Variants in CACNA1B observed in about 807,000 individuals in gnomAD.
CACNA1B encodes the protein calcium voltage-gated channel subunit alpha1 B.
Under a neutral mutation model 247.2 loss-of-function variants are expected in CACNA1B, and 70 were observed. That is an observed-to-expected ratio of 0.28 (90% confidence interval 0.23 to 0.35). CACNA1B has a LOEUF of 0.35. Ranked by LOEUF, CACNA1B falls within the 10% of genes least tolerant of loss-of-function variation. CACNA1B has a pLI of 1.00. For missense variants in CACNA1B, 2,367 were observed against 3,197.4 expected (o/e 0.74, Z 6.26); for synonymous variants, 1,231 against 1,294.4 (o/e 0.95, Z 1.05).
At chr9:137,910,295 AT>A (rs1381430566) in intron 3 of CACNA1B, among the ~76,000 whole-genome samples, 1 of 152,098 alleles carries the variant, frequency 6.6e-6, no homozygotes, top group East Asian at 1.9e-4. Flanking sequence ...TTAATCCCTT[AT>A]TAGAGATATG....
At chr9:138,112,562 T>A in intron 40 of CACNA1B, 57 bp downstream of exon 40, 1 of 1,190,766 alleles carries the variant, frequency 8.4e-7, no homozygotes, top group Non-Finnish European at 1.3e-6. Context: ...CCACCCAGAG[T>A]GGCTGGAGGG....
At chr9:138,093,747 AAACT>A (rs1490917120) in intron 36 of CACNA1B, among the ~76,000 whole-genome samples, 1 of 152,006 alleles carries the variant, frequency 6.6e-6, no homozygotes, top group Non-Finnish European at 1.5e-5. Flanking sequence ...CTCAAAAAAA[AAACT>A]AATAAATTAA....
intron 20 of CACNA1B, among the ~76,000 whole-genome samples, chr9:138,029,587 GTTTT>G (rs1161384413): frequency 7.2e-6 from 1 of 138,688 alleles, no homozygotes; most frequent in Non-Finnish European, 1.6e-5. Context: ...CTGATCCTGT[GTTTT>G]TTTGTGTTTT....
chr9:138,057,086 C>T lies in CACNA1B; in HGVS notation c.3969-646C>T, dbSNP rs1009854297. Reference sequence around the variant, plus strand: ...GAGTAGCTGGGACTATAGGCGCCCGCCACCACGCCCGGCTAATTATTTTTG... The same window carrying T: ...GAGTAGCTGGGACTATAGGCGCCCGTCACCACGCCCGGCTAATTATTTTTG... On this transcript the variant is annotated intron_variant, in intron 26 of 46. Transcript: ENST00000371372. The surrounding 1 kb of genome is among the most constrained non-coding windows in gnomAD (Gnocchi z 4.0). Among the ~76,000 whole-genome samples, 1 of 152,036 alleles carries T rather than the reference C, an allele frequency of 6.6e-6. No individual in the cohort carries two copies. The highest frequency in any genetic ancestry group is 1.5e-5 in the Non-Finnish European group (1 of 68,008).
At chr9:138,026,414 C>T (rs975399844) in intron 20 of CACNA1B, among the ~76,000 whole-genome samples, 4 of 152,192 alleles carry the variant, frequency 2.6e-5, no homozygotes, top group African/African-American at 7.2e-5. Context: ...AGATGTGACT[C>T]CTCCCCAGGC....
chr9:137,968,627 A>G (rs1958109648), intron 10 of CACNA1B, among the ~76,000 whole-genome samples: 1 of 152,218 alleles, frequency 6.6e-6, no homozygotes, highest in Non-Finnish European at 1.5e-5. Flanking sequence ...ACTGTCCTCT[A>G]GAAGGGTTAT....
rs969940281 is a variant in CACNA1B, at chr9:138,080,434, G to A, written c.5094+2176G>A. 3.8e-4 allele frequency among the ~76,000 whole-genome samples: 58 copies of A among 152,182 alleles called. 1 individual carries two copies. The highest frequency in any genetic ancestry group is 2.6e-4 in the Non-Finnish European group (18 of 68,032). ...GATGCCATCGGTAAACATCATTGCC[G>A]TCATTACATTATCATTGCAAGATCA... is the stretch of plus-strand genomic sequence containing the variant. On this transcript the variant is annotated intron_variant, in intron 36 of 46. Transcript: ENST00000371372.
rs192808227 is a variant in CACNA1B, at chr9:137,918,000, C to T, written c.966+569C>T. On this transcript the variant is annotated intron_variant, in intron 6 of 46. Transcript: ENST00000371372. This position sits in a 1 kb window ranked among gnomAD's most constrained non-coding sequence, Gnocchi z 5.5. Reference sequence around the variant, plus strand: ...GCTGCCCGGCGAAGGTGGTGAACCGCGGAGCAGGGCCGAGGCCCCCAAGAC... The same window carrying T: ...GCTGCCCGGCGAAGGTGGTGAACCGTGGAGCAGGGCCGAGGCCCCCAAGAC... 2.0e-5 allele frequency among the ~76,000 whole-genome samples: 3 copies of T among 152,342 alleles called. No homozygotes were observed. Among genetic ancestry groups the T allele is most frequent in the Middle Eastern group, 3.4e-3 (1 of 294 alleles).
intron 15 of CACNA1B, among the ~76,000 whole-genome samples, chr9:137,991,140 CAAG>C (rs1448755495): frequency 1.3e-5 from 2 of 152,096 alleles, no homozygotes; most frequent in Non-Finnish European, 2.9e-5. Flanking sequence ...TTAAGCTAAT[CAAG>C]GAGGTACCAG....
intron 6 of CACNA1B, among the ~76,000 whole-genome samples, chr9:137,947,476 A>G (rs529746291): frequency 6.6e-6 from 1 of 152,312 alleles, no homozygotes; most frequent in East Asian, 1.9e-4. Flanking sequence ...TGTCAAACAT[A>G]ATTTAAAAAA....
At chr9:138,112,613 G>C in intron 40 of CACNA1B, 108 bp downstream of exon 40, 1 of 729,040 alleles carries the variant, frequency 1.4e-6, no homozygotes, top group Non-Finnish European at 2.4e-6. Context: ...AGGCCACCTT[G>C]GAGAGGTGGG....
At chr9:138,055,399 G>A (rs1478256463) in intron 26 of CACNA1B, among the ~76,000 whole-genome samples, 1 of 151,936 alleles carries the variant, frequency 6.6e-6, no homozygotes, top group Admixed American at 6.5e-5. Flanking sequence ...TAGAGTGCTG[G>A]GATTACAGGT....
intron 6 of CACNA1B, among the ~76,000 whole-genome samples, chr9:137,926,122 A>G (rs1373449411): frequency 1.5e-5 from 2 of 134,138 alleles, no homozygotes; most frequent in Non-Finnish European, 3.1e-5. Flanking sequence ...AGGCTGGAGT[A>G]TAGTGGCACT....
chr9:137,889,684 AC>A (rs1957070003), intron 3 of CACNA1B, among the ~76,000 whole-genome samples: 1 of 147,162 alleles, frequency 6.8e-6, no homozygotes, highest in Non-Finnish European at 1.5e-5. Flanking sequence ...CCCCTTCCTG[AC>A]AGTGGCCTCC....
chr9:137,980,123 A>T (rs1019652781), intron 12 of CACNA1B, among the ~76,000 whole-genome samples: 1 of 152,194 alleles, frequency 6.6e-6, no homozygotes. Context: ...TGGGAATCTA[A>T]AGACCTATTT....
At chr9:137,951,441 G>A (rs1429832555) in intron 6 of CACNA1B, among the ~76,000 whole-genome samples, 1 of 152,220 alleles carries the variant, frequency 6.6e-6, no homozygotes, top group African/African-American at 2.4e-5. Context: ...TCTTGGTGGA[G>A]TCCATCCCAT....
chr9:138,023,735 GAGA>G lies in CACNA1B; in HGVS notation c.2995_2997del (p.Lys999del), dbSNP rs1167442485. 5.9e-6 allele frequency: 9 copies of G among 1,537,432 alleles called. No homozygotes were observed. Among genetic ancestry groups the G allele is most frequent in the Non-Finnish European group, 6.1e-6 (7 of 1,139,912 alleles). On this transcript the variant is annotated inframe_deletion, in exon 19 of 47. Coordinates refer to ENST00000371372, the MANE Select transcript of CACNA1B (RefSeq NM_000718.4). ...CGAGGCTGTGGAGAAGGAGACCACG[GAGA>G]AGGAGGCCACGGAGAAGGAGGCTGA... is the stretch of plus-strand genomic sequence containing the variant.
intron 3 of CACNA1B, 143 bp downstream of exon 3, chr9:137,883,026 GAC>G (rs1251248874): frequency 2.3e-6 from 2 of 875,244 alleles, no homozygotes; most frequent in African/African-American, 3.4e-5. Context: ...ACGAATGTGA[GAC>G]AGTCTGTTTG....
rs533772605 is a variant in CACNA1B, at chr9:138,036,796, G to A, written c.3287-6978G>A. Among the ~76,000 whole-genome samples, 4 of 152,204 alleles carry A rather than the reference G, an allele frequency of 2.6e-5. No homozygotes were observed. The East Asian group carries it at 5.8e-4, about 22-fold the overall frequency. ...ATTTTGCCAATGTTGTTTCACTTAC[G>A]CTTCTTCTTGCTTTCTTGTGTATCA... is the stretch of plus-strand genomic sequence containing the variant. On this transcript the variant is annotated intron_variant, in intron 20 of 46. Coordinates refer to ENST00000371372, the MANE Select transcript of CACNA1B (RefSeq NM_000718.4).
Sources: allele counts gnomAD v4.1 joint callset (sites outside exome capture counted in the v4.1 genomes callset), GRCh38; gene constraint gnomAD v4.1.1; non-coding constraint Gnocchi (gnomAD v3.1); transcripts MANE v1.5; gene names NCBI Gene and HGNC (gene_info 2026-07-23, HGNC 2026-07-21).